The following RCBTB2 variants were observed in gnomAD, a reference collection of about 807,000 sequenced individuals.
The protein encoded by RCBTB2 is RCC1 and BTB domain containing protein 2.
A neutral mutation model predicts 65.4 loss-of-function variants in RCBTB2; 55 were observed. That is an observed-to-expected ratio of 0.84 (90% CI 0.68 to 1.05). The LOEUF is 1.05. Among genes scored for constraint, RCBTB2 ranks in the 50% least tolerant of loss-of-function variants. The pLI is 0.00. For missense variants in RCBTB2, 599 were observed against 680.1 expected (o/e 0.88, Z 1.33); for synonymous variants, 220 against 255.2 (o/e 0.86, Z 1.31).
intron 1 of RCBTB2, chr13:48,532,758 T>C (rs1325642589): frequency 9.9e-6 from 3 of 303,270 alleles, no homozygotes; most frequent in East Asian, 2.8e-4. Context: ...GAATTGCGCA[T>C]GCGCAGGGCC....
chr13:48,493,093 G>A (rs1247950743), intron 14 of RCBTB2, among the ~76,000 whole-genome samples: 1 of 151,586 alleles, frequency 6.6e-6, no homozygotes, highest in Non-Finnish European at 1.5e-5. Context: ...TAATCCATCC[G>A]CACATCCTGT....
intron 1 of RCBTB2, among the ~76,000 whole-genome samples, chr13:48,526,993 T>C (rs1038048750): frequency 2.0e-5 from 3 of 152,098 alleles, no homozygotes; most frequent in East Asian, 1.9e-4. Flanking sequence ...ATTTATACTA[T>C]TGTACCTGTA....
intron 1 of RCBTB2, 31 bp downstream of exon 1, chr13:48,532,997 G>C (rs1158630057): frequency 2.2e-6 from 1 of 455,386 alleles, no homozygotes; most frequent in Admixed American, 2.4e-5. Flanking sequence ...GATCCCCCTC[G>C]GCCTCCCACA....
chr13:48,506,464 G>A (rs1950507948), intron 10 of RCBTB2, among the ~76,000 whole-genome samples: 1 of 152,220 alleles, frequency 6.6e-6, no homozygotes, highest in Non-Finnish European at 1.5e-5. Context: ...TGGCTGGGGA[G>A]GCCAACCCAA....
chr13:48,492,814 A>AG (rs1202601305), intron 14 of RCBTB2, among the ~76,000 whole-genome samples: 1 of 152,112 alleles, frequency 6.6e-6, no homozygotes, highest in Non-Finnish European at 1.5e-5. Flanking sequence ...CTCAGGACTT[A>AG]ATCTTCAAAC....
chr13:48,518,129 T>C (rs778655504), intron 4 of RCBTB2, among the ~76,000 whole-genome samples: 9 of 152,218 alleles, frequency 5.9e-5, no homozygotes, highest in Non-Finnish European at 1.5e-5. Flanking sequence ...TTCAGACTTC[T>C]AGCCTCCAGA....
intron 10 of RCBTB2, among the ~76,000 whole-genome samples, chr13:48,505,692 T>A (rs939978477): frequency 9.9e-5 from 15 of 152,130 alleles, no homozygotes; most frequent in Non-Finnish European, 1.5e-5. Context: ...GACACGCGGA[T>A]CAGAGTCAGA....
intron 10 of RCBTB2, 95 bp downstream of exon 10, chr13:48,510,534 A>G: frequency 7.5e-7 from 1 of 1,330,246 alleles, no homozygotes; most frequent in Non-Finnish European, 1.0e-6. Flanking sequence ...TTCTAACACT[A>G]GCAGTACATT....
intron 1 of RCBTB2, among the ~76,000 whole-genome samples, chr13:48,528,071 C>T (rs1220360222): frequency 6.6e-6 from 1 of 152,148 alleles, no homozygotes; most frequent in African/African-American, 2.4e-5. Context: ...TTGCCTAATT[C>T]ATTCAACAAA....
In RCBTB2 at chr13:48,527,337, G is replaced by T. The variant is rs200255608; in HGVS notation, c.-218-2580C>A. Reference sequence around the variant, plus strand: ...ACTTGGCTCATATATATATATATATGATATATATATATATGATATATATTT... The same window carrying T: ...ACTTGGCTCATATATATATATATATTATATATATATATATGATATATATTT... On this transcript the variant is annotated intron_variant, in intron 1 of 14. Coordinates refer to ENST00000344532, the MANE Select transcript of RCBTB2 (RefSeq NM_001268.4). Among the ~76,000 whole-genome samples the T allele has an allele frequency of 1.5e-3, 171 of 112,164 alleles. 2 individuals are homozygous for T. In the East Asian group the frequency reaches 0.042, roughly 28 times the overall value. The allele number at this position is 112,164 out of a possible 152,430, so 73.6% of individuals were successfully genotyped here.
chr13:48,495,164 T>C (rs1200400361), intron 14 of RCBTB2, among the ~76,000 whole-genome samples: 5 of 152,208 alleles, frequency 3.3e-5, no homozygotes, highest in Non-Finnish European at 5.9e-5. Flanking sequence ...TTACAGCCTG[T>C]TTCCTAAAGA....
At chr13:48,507,556 T>C (rs989308488) in intron 10 of RCBTB2, among the ~76,000 whole-genome samples, 1 of 152,208 alleles carries the variant, frequency 6.6e-6, no homozygotes, top group Non-Finnish European at 1.5e-5. Context: ...GCTGAGCTTA[T>C]TGGCTATGAA....
intron 1 of RCBTB2, among the ~76,000 whole-genome samples, chr13:48,527,184 A>G (rs1445295854): frequency 6.6e-6 from 1 of 151,336 alleles, no homozygotes; most frequent in Non-Finnish European, 1.5e-5. Flanking sequence ...TTTTCTTCAT[A>G]GTGACAGTGT....
At chr13:48,529,133 C>T (rs1223557665) in intron 1 of RCBTB2, among the ~76,000 whole-genome samples, 1 of 152,036 alleles carries the variant, frequency 6.6e-6, no homozygotes, top group Non-Finnish European at 1.5e-5. Context: ...TGAAAAATAA[C>T]CAACATAAAT....
At chr13:48,519,050 T>C (rs1171791031) in intron 4 of RCBTB2, among the ~76,000 whole-genome samples, 1 of 152,226 alleles carries the variant, frequency 6.6e-6, no homozygotes, top group Non-Finnish European at 1.5e-5. Context: ...ATTATCCTCA[T>C]GTTACCTATG....
In RCBTB2 at chr13:48,496,254, C is replaced by A; in HGVS notation, c.1452G>T (p.Lys484Asn). Residue 484 changes from lysine (K) to asparagine (N), a missense_variant, in exon 14 of 15, where the codon AAG becomes AAT. Lys to Asn is a moderately conservative substitution (Grantham distance 94, BLOSUM62 0). Coordinates refer to ENST00000344532, the MANE Select transcript of RCBTB2 (RefSeq NM_001268.4). ...TGGCATTCTCCTCGCAGATGCCTTG[C>A]TTGATAGTTTGTTGGCAGAGCTTTT... ...RLKKLCQQTI[K>N]QGICEENAIA... 9 of 1,595,120 alleles carry A rather than the reference C, an allele frequency of 5.6e-6. No individual in the cohort carries two copies. The highest frequency in any genetic ancestry group is 7.7e-6 in the Non-Finnish European group (9 of 1,170,608).
chr13:48,510,659 T>C lies in RCBTB2; in HGVS notation c.896A>G (p.Tyr299Cys), dbSNP rs907524298. 3.7e-6 allele frequency: 6 copies of C among 1,614,088 alleles called. No homozygotes were observed. In the African/African-American group the frequency reaches 5.3e-5, roughly 14 times the overall value. ...LGTGNKSNQS[Y>C]PTPVTVEKDR... ...CTTTTCCACAGTGACAGGAGTAGGA[T>C]AGGACTGGTTGCTTTTATTGCCAGT... Residue 299 changes from tyrosine to cysteine, a missense_variant, in exon 10 of 15, where the codon TAT (tyrosine) becomes TGT (cysteine). Coordinates refer to ENST00000344532, the MANE Select transcript of RCBTB2 (RefSeq NM_001268.4).
intron 14 of RCBTB2, among the ~76,000 whole-genome samples, chr13:48,491,904 C>T (rs959720619): frequency 2.0e-5 from 3 of 152,142 alleles, no homozygotes; most frequent in African/African-American, 7.2e-5. Flanking sequence ...GGTGGTGGTA[C>T]TGGTTATAGG....
At chr13:48,493,311 ACACACTCTCTCTCT>A (rs1949805655) in intron 14 of RCBTB2, among the ~76,000 whole-genome samples, 2 of 57,338 alleles carry the variant, frequency 3.5e-5, no homozygotes, top group African/African-American at 1.3e-4. Context: ...ACACACACAC[ACACACTCTCTCTCT>A]CTCTCTCTCT....
Sources: allele counts gnomAD v4.1 joint callset (sites outside exome capture counted in the v4.1 genomes callset), GRCh38; gene constraint gnomAD v4.1.1; transcripts MANE v1.5; gene names NCBI Gene and HGNC (gene_info 2026-07-23, HGNC 2026-07-21).